MOB1A: variants seen among roughly 807,000 people sequenced by gnomAD.
MOB1A encodes the protein MOB kinase activator 1A.
A neutral mutation model predicts 25.1 loss-of-function variants in MOB1A; 10 were observed. The ratio of observed to expected loss-of-function variants is 0.40; its 90% confidence interval spans 0.25 to 0.68. MOB1A has a LOEUF of 0.68. Among genes scored for constraint, MOB1A ranks in the 30% least tolerant of loss-of-function variants. The pLI, the probability that MOB1A is intolerant of heterozygous loss-of-function variation, is 0.40. For synonymous variants in MOB1A, 81 were observed against 79.5 expected, an observed-to-expected ratio of 1.02 and a Z score of -0.10; for missense variants, 177 against 256.3, an observed-to-expected ratio of 0.69 and a Z score of 2.11.
intron 5 of MOB1A, among the ~76,000 whole-genome samples, chr2:74,158,367 A>G (rs1558830506): frequency 6.6e-6 from 1 of 152,230 alleles, no homozygotes; most frequent in Non-Finnish European, 1.5e-5. Flanking sequence ...TTTTTTCATC[A>G]TAAAATATCT....
At chr2:74,178,435 T>G (rs1693540916) in intron 1 of MOB1A, 10 of 343,528 alleles carry the variant, frequency 2.9e-5, no homozygotes, top group South Asian at 1.5e-4. Flanking sequence ...CCCGGGGCCT[T>G]TCTACTCCCC....
chr2:74,178,389 G>A (rs1289688322), intron 1 of MOB1A: 4 of 310,154 alleles, frequency 1.3e-5, no homozygotes, highest in Non-Finnish European at 2.4e-5. Flanking sequence ...CCGCCCTCGG[G>A]GGCGCTCGGG....
intron 2 of MOB1A, 24 bp from the exon 3 acceptor site, chr2:74,167,131 C>T (rs777597886): frequency 6.3e-7 from 1 of 1,587,062 alleles, no homozygotes; most frequent in Non-Finnish European, 8.6e-7. Flanking sequence ...AGAATTGTGT[C>T]AAAATGTCTG....
In MOB1A at chr2:74,160,076, C is replaced by T. The variant is rs566368091; in HGVS notation, c.410-822G>A. Among the ~76,000 whole-genome samples, 3 of 152,266 alleles carry T rather than the reference C, an allele frequency of 2.0e-5. No homozygotes were observed. The East Asian group carries it at 5.8e-4, about 29-fold the overall frequency. On this transcript the variant is annotated intron_variant, in intron 4 of 5. Transcript: ENST00000396049. ...AAGTGATCTGCCTGCCTTGGCTTCC[C>T]AAAGTACTGGGATTTAGTTCTTTAA...
At chr2:74,170,321 T>C (rs1184091017) in intron 2 of MOB1A, among the ~76,000 whole-genome samples, 1 of 151,944 alleles carries the variant, frequency 6.6e-6, no homozygotes, top group African/African-American at 2.4e-5. Flanking sequence ...GTATTTTTAG[T>C]AGAGATGGGG....
rs1572949065 is a variant in MOB1A at position 74,152,869 on chromosome 2, T to C, written c.*3699A>G. 6.6e-6 allele frequency: 1 copy of C among 152,206 alleles called. No individual in the cohort carries two copies. Among genetic ancestry groups the C allele is most frequent in the South Asian group, 2.1e-4 (1 of 4,834 alleles). The allele number at this position is 152,206 out of a possible 1,614,324, so 9.4% of individuals were successfully genotyped here. A position where few individuals can be genotyped will look rare whatever the true frequency, so the allele number is the denominator to read the frequency against. On this transcript the variant is annotated 3_prime_UTR_variant, in exon 6 of 6. Coordinates refer to ENST00000396049, the MANE Select transcript of MOB1A (RefSeq NM_018221.5). ...TCCATTTGGATCTACAGAATACTTGTTTGGAACAGAATCTGATAATGAGAG... is the reference window on the plus strand; with the variant it reads ...TCCATTTGGATCTACAGAATACTTGCTTGGAACAGAATCTGATAATGAGAG...
intron 1 of MOB1A, 85 bp downstream of exon 1, chr2:74,178,576 G>T: frequency 6.7e-6 from 7 of 1,037,720 alleles, no homozygotes; most frequent in Non-Finnish European, 9.0e-6. Context: ...TCGGCCCCCA[G>T]GCCGAGCCCT....
At chr2:74,161,366 G>A (rs959715589) in intron 4 of MOB1A, among the ~76,000 whole-genome samples, 10 of 151,870 alleles carry the variant, frequency 6.6e-5, no homozygotes, top group Admixed American at 2.0e-4. Flanking sequence ...ATTTCTGGCC[G>A]GGTGCAGTGG....
rs1032417188 is a variant in MOB1A at position 74,156,336 on chromosome 2, A to G, written c.*232T>C. 1.0e-5 allele frequency: 5 copies of G among 481,808 alleles called. No individual in the cohort carries two copies. The highest frequency in any genetic ancestry group is 6.0e-5 in the African/African-American group (3 of 49,778). 29.8% of individuals were successfully genotyped at this position (481,808 alleles called of 1,614,324 possible). A position where few individuals can be genotyped will look rare whatever the true frequency, so the allele number is the denominator to read the frequency against. ...TATTACAACCAAGTATGACTATGTG[A>G]TAACAACAAGAGTGGTCACACAGTA... On this transcript the variant is annotated 3_prime_UTR_variant, in exon 6 of 6. Coordinates refer to ENST00000396049, the MANE Select transcript of MOB1A (RefSeq NM_018221.5).
rs1692793336 is a variant in MOB1A at position 74,155,936 on chromosome 2, G to A, written c.*632C>T. On this transcript the variant is annotated 3_prime_UTR_variant, in exon 6 of 6. Transcript: ENST00000396049. ...TAAAGTCCCTGTAAAAATAACTTTG[G>A]TTGCTCCCACCCACACGTCATATGA... The A allele has an allele frequency of 6.6e-6, 1 of 152,372 alleles. No homozygotes were observed. Among genetic ancestry groups the A allele is most frequent in the African/African-American group, 2.4e-5 (1 of 41,396 alleles). The allele number at this position is 152,372 out of a possible 1,614,324, so 9.4% of individuals were successfully genotyped here.
At chr2:74,161,021 C>G (rs1414999964) in intron 4 of MOB1A, among the ~76,000 whole-genome samples, 1 of 152,196 alleles carries the variant, frequency 6.6e-6, no homozygotes, top group Admixed American at 6.5e-5. Context: ...ATTGCCGCCA[C>G]TGCACTCCAG....
chr2:74,158,566 G>A (rs997691338), intron 5 of MOB1A, among the ~76,000 whole-genome samples: 1 of 152,026 alleles, frequency 6.6e-6, no homozygotes, highest in Non-Finnish European at 1.5e-5. Context: ...GAGGTGGGTG[G>A]ATCAGGAGTT....
chr2:74,177,105 G>C (rs1002627461), intron 1 of MOB1A, among the ~76,000 whole-genome samples: 6 of 152,076 alleles, frequency 3.9e-5, no homozygotes, highest in Non-Finnish European at 1.5e-5. Context: ...CTGAGGTCAG[G>C]AGTTCGAGAC....
At chr2:74,174,281 A>AAAG (rs1421300216) in intron 1 of MOB1A, among the ~76,000 whole-genome samples, 3 of 151,578 alleles carry the variant, frequency 2.0e-5, no homozygotes, top group South Asian at 2.1e-4. Flanking sequence ...AAAAAAAAAA[A>AAAG]AAAAGAAAAG....
chr2:74,178,562 C>A, intron 1 of MOB1A, 99 bp downstream of exon 1: 1 of 869,068 alleles, frequency 1.2e-6, no homozygotes, highest in Non-Finnish European at 1.6e-6. Flanking sequence ...ACCCCGCCCC[C>A]GCCTCGGCCC....
chr2:74,157,394 T>C (rs1692833951), intron 5 of MOB1A, among the ~76,000 whole-genome samples: 1 of 152,108 alleles, frequency 6.6e-6, no homozygotes, highest in African/African-American at 2.4e-5. Context: ...ATCTGTATCT[T>C]TTGTTAACAT....
chr2:74,172,119 C>T (rs1357311199), intron 2 of MOB1A, among the ~76,000 whole-genome samples: 5 of 152,118 alleles, frequency 3.3e-5, no homozygotes, highest in Non-Finnish European at 5.9e-5. Flanking sequence ...CAGCTCAGAT[C>T]CCTCCATTTT....
At chr2:74,170,010 G>C (rs1423597197) in intron 2 of MOB1A, among the ~76,000 whole-genome samples, 1 of 152,078 alleles carries the variant, frequency 6.6e-6, no homozygotes, top group African/African-American at 2.4e-5. Context: ...GTGGATCTGA[G>C]ACCAAAAAAT....
chr2:74,173,851 A>T (rs1340878433), intron 1 of MOB1A, among the ~76,000 whole-genome samples: 1 of 147,026 alleles, frequency 6.8e-6, no homozygotes, highest in Non-Finnish European at 1.5e-5. Flanking sequence ...CGGGAGGCTG[A>T]GGCAGGAGAA....
Sources: gnomAD v4.1 joint callset for allele counts (sites outside exome capture counted in the v4.1 genomes callset) on GRCh38, gnomAD v4.1.1 for gene constraint, MANE v1.5 for transcripts, NCBI Gene and HGNC (gene_info 2026-07-23, HGNC 2026-07-21) for gene names.